The following ACO2 variants were observed in gnomAD, a reference collection of about 807,000 sequenced individuals.
ACO2 encodes the protein aconitase 2, also known as aconitate hydratase, mitochondrial.
ACO2 carries 31 observed loss-of-function variants against 84.5 expected under a neutral mutation model. The ratio of observed to expected loss-of-function variants is 0.37; its 90% CI spans 0.28 to 0.50. The LOEUF is 0.50. Ranked by LOEUF, ACO2 falls within the 20% of genes least tolerant of loss-of-function variation. The probability of loss-of-function intolerance (pLI) is 0.97; values close to 1 mark genes in which losing one functional copy is unlikely to be tolerated. For missense variants in ACO2, 685 were observed against 1,029.3 expected (o/e 0.67, Z 4.58); for synonymous variants, 414 against 412.7 (o/e 1.00, Z -0.04).
At chr22:41,499,091 C>CAAAA (rs537284651) in intron 1 of ACO2, among the ~76,000 whole-genome samples, 7 of 77,916 alleles carry the variant, frequency 9.0e-5, no homozygotes, top group African/African-American at 3.4e-4. Context: ...GACTCCGTCT[C>CAAAA]AAAAAAAAAA....
chr22:41,492,570 T>TA (rs2066279474), intron 1 of ACO2, among the ~76,000 whole-genome samples: 1 of 152,148 alleles, frequency 6.6e-6, no homozygotes, highest in South Asian at 2.1e-4. Context: ...GTTTGGGAGT[T>TA]AAAGACCAGC....
intron 2 of ACO2, among the ~76,000 whole-genome samples, chr22:41,500,791 C>G (rs1054419283): frequency 6.6e-6 from 1 of 151,978 alleles, no homozygotes; most frequent in Non-Finnish European, 1.5e-5. Flanking sequence ...GCAACCTCCG[C>G]CCCCCAGGTT....
At chr22:41,474,130 G>T (rs536852064) in intron 1 of ACO2, among the ~76,000 whole-genome samples, 1 of 151,946 alleles carries the variant, frequency 6.6e-6, no homozygotes, top group East Asian at 1.9e-4. Context: ...GATCTGGGGG[G>T]TGGAGATAAT....
chr22:41,493,120 C>T (rs1230238260), intron 1 of ACO2, among the ~76,000 whole-genome samples: 3 of 152,024 alleles, frequency 2.0e-5, no homozygotes, highest in Non-Finnish European at 4.4e-5. Flanking sequence ...TATCAGGAAC[C>T]GACTCGCATG....
chr22:41,516,202 G>A (rs1449590822), intron 6 of ACO2: 2 of 604,448 alleles, frequency 3.3e-6, no homozygotes, highest in Non-Finnish European at 5.9e-6. Flanking sequence ...TCTGCTGCTG[G>A]GCCCAGGCCA....
At chr22:41,486,163 A>G (rs2038152036) in intron 1 of ACO2, among the ~76,000 whole-genome samples, 1 of 151,942 alleles carries the variant, frequency 6.6e-6, no homozygotes, top group Non-Finnish European at 1.5e-5. Flanking sequence ...TTACTTCCTG[A>G]TCTTGGCTAG....
chr22:41,477,682 C>G (rs1415711231), intron 1 of ACO2, among the ~76,000 whole-genome samples: 4 of 152,116 alleles, frequency 2.6e-5, no homozygotes, highest in African/African-American at 7.2e-5. Context: ...GGTAGAGGCA[C>G]TTGGTGAATA....
intron 1 of ACO2, among the ~76,000 whole-genome samples, chr22:41,478,096 C>G (rs547450653): frequency 6.6e-6 from 1 of 152,134 alleles, no homozygotes; most frequent in South Asian, 2.1e-4. Flanking sequence ...GTGAAAATTG[C>G]TTGTTCCTCC....
chr22:41,489,051 T>C (rs975979111), intron 1 of ACO2, among the ~76,000 whole-genome samples: 3 of 152,166 alleles, frequency 2.0e-5, no homozygotes, highest in African/African-American at 7.2e-5. Context: ...CTCCCCTTTT[T>C]TTTTTGAGAT....
At position 41,527,813 on chromosome 22, in the gene ACO2, G is replaced by T; in HGVS notation, c.2087-88G>T. ...ATTGTCCCAGGCAGCAGGATTAGGG[G>T]CATCTCCCAGAGCCCCAGATGGGTT... On this transcript the variant is annotated intron_variant, in intron 16 of 17. Transcript: ENST00000216254. 3 of 1,596,206 alleles carry T rather than the reference G, an allele frequency of 1.9e-6. No homozygotes were observed. In the Admixed American group the frequency reaches 5.1e-5, roughly 27 times the overall value.
intron 1 of ACO2, among the ~76,000 whole-genome samples, chr22:41,487,678 A>C (rs2091000499): frequency 6.6e-6 from 1 of 151,946 alleles, no homozygotes; most frequent in Non-Finnish European, 1.5e-5. Flanking sequence ...GAGTTGTGAT[A>C]ATCTATACTT....
chr22:41,516,020 C>A, intron 6 of ACO2, 103 bp downstream of exon 6: 1 of 1,464,638 alleles, frequency 6.8e-7, no homozygotes, highest in Non-Finnish European at 9.4e-7. Flanking sequence ...GAGAATCTGT[C>A]TGTTCCATTT....
intron 15 of ACO2, chr22:41,526,846 C>G (rs2066609073): frequency 3.3e-6 from 1 of 302,000 alleles, no homozygotes; most frequent in Non-Finnish European, 6.2e-6. Context: ...ACAAACAGAA[C>G]CAGGGCTGAA....
At position 41,523,792 on chromosome 22, in the gene ACO2, G is replaced by A. The variant is rs376009692; in HGVS notation, c.1371-38G>A. On this transcript the variant is annotated intron_variant, in intron 11 of 17. Transcript: ENST00000216254. The stretch of plus-strand genomic sequence containing the variant: ...TCCTCGGGACAGGCCAGGTGACAAG[G>A]CCAGATATCCCTAACCCTGATCCCT... The A allele has an allele frequency of 1.5e-4, 243 of 1,571,068 alleles. No individual in the cohort carries two copies. The African/African-American group carries it at 2.8e-3, about 18-fold the overall frequency.
In ACO2 at chr22:41,523,275, A is replaced by G; in HGVS notation, c.1367A>G (p.Asp456Gly). The change falls in exon 11 of 18, where the codon GAC becomes GGC. Residue 456 changes from aspartate to glycine, a missense_variant. This residue lies in a region of ACO2 where 311 missense variants were observed against 441.6 expected (regional missense o/e 0.70). Coordinates refer to ENST00000216254, the MANE Select transcript of ACO2 (RefSeq NM_001098.3). ...TGTGGCCCCTGCATTGGCCAGTGGG[A>G]CAGGTAAGAGGCGTATCTTTTGACA... ...NACGPCIGQW[D>G]RKDIKKGEKN... 1 of 1,610,474 alleles carries G rather than the reference A, an allele frequency of 6.2e-7. No homozygotes were observed. Among genetic ancestry groups the G allele is most frequent in the Non-Finnish European group, 8.5e-7 (1 of 1,177,848 alleles).
rs149528960 is a variant in ACO2 at position 41,528,479 on chromosome 22, C to T, written c.2209C>T (p.Pro737Ser). 4 of 1,611,986 alleles carry T rather than the reference C, an allele frequency of 2.5e-6. No individual in the cohort carries two copies. Among genetic ancestry groups the T allele is most frequent in the African/African-American group, 1.3e-5 (1 of 74,976 alleles). ...ACCCACACCCACCTTCTCCTTGCAG[C>T]CCCTGAAGTGCATCATCAAGCACCC... ...QGLKDFTPGKPLKCIIKHPNG... is the reference protein window; with the variant it reads ...QGLKDFTPGKSLKCIIKHPNG... The change falls in exon 18 of 18, where the codon CCC (proline) becomes TCC (serine). Residue 737 changes from proline to serine, a missense_variant and splice_region_variant. By Grantham distance (74) the Pro-to-Ser change is moderately conservative. Around this residue, in one of 5 missense-constraint regions of ACO2, gnomAD observed 174 missense variants for 236.6 expected, o/e 0.74. Coordinates refer to ENST00000216254, the MANE Select transcript of ACO2 (RefSeq NM_001098.3).
chr22:41,517,464 T>C, intron 6 of ACO2, 63 bp from the exon 7 acceptor site: 1 of 1,357,586 alleles, frequency 7.4e-7, no homozygotes, highest in Non-Finnish European at 1.0e-6. Flanking sequence ...GGTGGCCGCG[T>C]AGCAGGTGTG....
chr22:41,500,780 T>C (rs936079884), intron 2 of ACO2, among the ~76,000 whole-genome samples: 1 of 152,146 alleles, frequency 6.6e-6, no homozygotes, highest in African/African-American at 2.4e-5. Flanking sequence ...CTCGGCTCAC[T>C]GCAACCTCCG....
chr22:41,487,643 A>C (rs1198452602), intron 1 of ACO2, among the ~76,000 whole-genome samples: 1 of 152,138 alleles, frequency 6.6e-6, no homozygotes, highest in Non-Finnish European at 1.5e-5. Flanking sequence ...CAAAGAAAAA[A>C]TTCTTGGTGA....
Sources: allele counts gnomAD v4.1 joint callset (sites outside exome capture counted in the v4.1 genomes callset), GRCh38; gene constraint gnomAD v4.1.1; regional missense constraint gnomAD v4.1.1; transcripts MANE v1.5; gene names NCBI Gene and HGNC (gene_info 2026-07-23, HGNC 2026-07-21).